The following ALK variants were observed in gnomAD, a reference collection of about 807,000 sequenced individuals.
ALK encodes the protein ALK tyrosine kinase receptor.
In ALK, 74 loss-of-function variants were observed where a neutral mutation model predicts 163.1. That is an observed-to-expected ratio of 0.45 (90% CI 0.38 to 0.55). ALK has a LOEUF of 0.55. Ranked by LOEUF, ALK falls within the 20% of genes least tolerant of loss-of-function variation. ALK has a pLI of 0.00. For synonymous variants in ALK, 960 were observed against 843.2 expected (o/e 1.14, Z -2.40); for missense variants, 2,063 against 2,105.3 (o/e 0.98, Z 0.39).
At chr2:29,217,825 T>TGAA (rs942806698) in intron 23 of ALK, among the ~76,000 whole-genome samples, 3 of 152,184 alleles carry the variant, frequency 2.0e-5, no homozygotes, top group Non-Finnish European at 4.4e-5. Flanking sequence ...TTCAGGCCTC[T>TGAA]GAAGTCCAAG....
chr2:29,485,439 C>G (rs1671756312), intron 4 of ALK, among the ~76,000 whole-genome samples: 1 of 152,146 alleles, frequency 6.6e-6, no homozygotes, highest in African/African-American at 2.4e-5. Flanking sequence ...TTCATTTCAG[C>G]CTGATTCTGT....
chr2:29,670,138 A>G (rs1297109130), intron 3 of ALK, among the ~76,000 whole-genome samples: 2 of 151,972 alleles, frequency 1.3e-5, no homozygotes, highest in Admixed American at 6.6e-5. Flanking sequence ...TTTCTTTTGC[A>G]TGTTAGTGTT....
chr2:29,550,484 T>A (rs1673685359), intron 3 of ALK, among the ~76,000 whole-genome samples: 1 of 152,188 alleles, frequency 6.6e-6, no homozygotes, highest in South Asian at 2.1e-4. Flanking sequence ...GGCTGTCTGA[T>A]CTTGTTGCTG....
chr2:29,624,801 C>T (rs10177146), intron 3 of ALK, among the ~76,000 whole-genome samples: 95,797 of 152,056 alleles, frequency 0.63, 31,085 homozygotes, highest in East Asian at 0.73. Flanking sequence ...GACTCATTCC[C>T]TCTGCAATTC....
intron 4 of ALK, among the ~76,000 whole-genome samples, chr2:29,394,422 A>G (rs1310432714): frequency 6.6e-6 from 1 of 152,066 alleles, no homozygotes; most frequent in Non-Finnish European, 1.5e-5. Context: ...CTGTTTCTCT[A>G]AATTTTGGAT....
intron 1 of ALK, among the ~76,000 whole-genome samples, chr2:29,821,644 G>A (rs528580793): frequency 1.8e-4 from 27 of 152,058 alleles, no homozygotes; most frequent in Non-Finnish European, 3.5e-4. Context: ...AGGGGTTCTG[G>A]GGCACTCGAT....
At chr2:29,355,988 T>C in intron 5 of ALK, among the ~76,000 whole-genome samples, 1 of 152,094 alleles carries the variant, frequency 6.6e-6, no homozygotes, top group Non-Finnish European at 1.5e-5. Flanking sequence ...TAATCAGCCA[T>C]CATGGGAATA....
chr2:29,224,778 C>T (rs963346971), intron 19 of ALK: 3 of 216,814 alleles, frequency 1.4e-5, no homozygotes, highest in African/African-American at 6.8e-5. Context: ...GGGATGGCAC[C>T]ATATGGGGAC....
At chr2:29,648,170 C>A (rs1288301396) in intron 3 of ALK, among the ~76,000 whole-genome samples, 1 of 152,066 alleles carries the variant, frequency 6.6e-6, no homozygotes, top group African/African-American at 2.4e-5. Flanking sequence ...GGAATGCCTA[C>A]CCCAATTTAG....
At chr2:29,790,401 G>T (rs990783158) in intron 1 of ALK, among the ~76,000 whole-genome samples, 26 of 152,106 alleles carry the variant, frequency 1.7e-4, no homozygotes, top group African/African-American at 6.3e-4. Flanking sequence ...AAATCCTCTT[G>T]TTCTCAGTAT....
intron 9 of ALK, among the ~76,000 whole-genome samples, chr2:29,280,264 C>T (rs1449925328): frequency 6.6e-6 from 1 of 151,220 alleles, no homozygotes; most frequent in East Asian, 1.9e-4. Flanking sequence ...TAGTGTCTAC[C>T]AGGTAGTCCA....
intron 4 of ALK, among the ~76,000 whole-genome samples, chr2:29,482,715 A>G (rs570320522): frequency 6.8e-6 from 1 of 146,314 alleles, no homozygotes; most frequent in East Asian, 2.0e-4. Flanking sequence ...AGAGCAGGAG[A>G]GTGCCGTAGG....
chr2:29,669,188 GT>G (rs1558433962), intron 3 of ALK, among the ~76,000 whole-genome samples: 1 of 151,992 alleles, frequency 6.6e-6, no homozygotes. Flanking sequence ...ATTACTAAAA[GT>G]GGGGTGTTAA....
At chr2:29,756,559 C>T (rs1680537844) in intron 1 of ALK, among the ~76,000 whole-genome samples, 1 of 140,562 alleles carries the variant, frequency 7.1e-6, no homozygotes, top group Non-Finnish European at 1.5e-5. Context: ...GACAGAGTCT[C>T]ACTCACTCTG....
intron 4 of ALK, among the ~76,000 whole-genome samples, chr2:29,515,241 C>T (rs1163560575): frequency 6.6e-6 from 1 of 152,202 alleles, no homozygotes; most frequent in East Asian, 1.9e-4. Context: ...GCTCAGGTCC[C>T]TACTTGCAAG....
intron 5 of ALK, among the ~76,000 whole-genome samples, chr2:29,358,673 C>A (rs547528752): frequency 6.6e-6 from 1 of 152,184 alleles, no homozygotes; most frequent in Non-Finnish European, 1.5e-5. Context: ...CAAATGCCCA[C>A]CTTTCTGTAC....
At chr2:29,758,929 T>G (rs1435519130) in intron 1 of ALK, among the ~76,000 whole-genome samples, 2 of 152,166 alleles carry the variant, frequency 1.3e-5, no homozygotes, top group African/African-American at 4.8e-5. Context: ...CGGTGTTTCC[T>G]GTCCAACAAT....
intron 8 of ALK, among the ~76,000 whole-genome samples, chr2:29,304,338 G>T (rs530718733): frequency 6.6e-6 from 1 of 151,906 alleles, no homozygotes; most frequent in East Asian, 1.9e-4. Flanking sequence ...TCTACTAAAA[G>T]TACAAAAATT....
intron 1 of ALK, among the ~76,000 whole-genome samples, chr2:29,850,762 C>G (rs182987952): frequency 9.8e-4 from 150 of 152,346 alleles, no homozygotes; most frequent in Middle Eastern, 6.8e-3. Flanking sequence ...GGGAACTGTT[C>G]CCCGGGAATA....
Sources: allele counts gnomAD v4.1 joint callset (sites outside exome capture counted in the v4.1 genomes callset), GRCh38; gene constraint gnomAD v4.1.1; transcripts MANE v1.5; gene names NCBI Gene and HGNC (gene_info 2026-07-23, HGNC 2026-07-21).